Variants in ITPRIP observed in about 807,000 individuals in gnomAD.
The protein encoded by ITPRIP is inositol 1,4,5-trisphosphate receptor interacting protein.
In ITPRIP, 32 loss-of-function variants were observed where a neutral mutation model predicts 35.8. The observed-to-expected ratio is 0.89, with a 90% CI of 0.68 to 1.20. ITPRIP has a LOEUF of 1.20. Among genes scored for constraint, ITPRIP ranks in the 50% most tolerant of loss-of-function variants. The probability of loss-of-function intolerance (pLI) is 0.00; values close to 1 mark genes in which losing one functional copy is unlikely to be tolerated. For missense variants in ITPRIP, 653 were observed against 735.6 expected (o/e 0.89, Z 1.30); for synonymous variants, 358 against 324.0 (o/e 1.11, Z -1.13).
chr10:104,331,051 T>G (rs1393695019), intron 1 of ITPRIP, among the ~76,000 whole-genome samples: 2 of 152,198 alleles, frequency 1.3e-5, no homozygotes, highest in African/African-American at 4.8e-5. Flanking sequence ...CTTATGAGAC[T>G]CCTTCTACCA....
At chr10:104,322,805 G>C (rs1039539765) in intron 1 of ITPRIP, among the ~76,000 whole-genome samples, 3 of 152,206 alleles carry the variant, frequency 2.0e-5, no homozygotes, top group South Asian at 4.1e-4. Context: ...ACTGGCTGAG[G>C]GCAGGGGAGG....
rs886989836 is a variant in ITPRIP at position 104,309,990 on chromosome 10, C to T, written c.*4418G>A. On this transcript the variant is annotated 3_prime_UTR_variant, in exon 2 of 2. Transcript: ENST00000337478. ...TTTGGATGGCAATGAGAAAAGTTAA[C>T]TCTAAAAGATGCCCTTCCCAGGGAC... is the stretch of plus-strand genomic sequence containing the variant. The T allele has an allele frequency of 6.6e-6, 1 of 152,202 alleles. No individual in the cohort carries two copies. Among genetic ancestry groups the T allele is most frequent in the Non-Finnish European group, 1.5e-5 (1 of 68,032 alleles). 9.4% of individuals were successfully genotyped at this position (152,202 alleles called of 1,614,324 possible). A position where few individuals can be genotyped will look rare whatever the true frequency, so the allele number is the denominator to read the frequency against.
At chr10:104,336,560 G>A (rs1342619329) in intron 1 of ITPRIP, among the ~76,000 whole-genome samples, 1 of 151,232 alleles carries the variant, frequency 6.6e-6, no homozygotes, top group Admixed American at 6.6e-5. Flanking sequence ...CTGTCACCCG[G>A]ATGGAGTGCA....
rs755186127 is a variant in ITPRIP at position 104,314,626 on chromosome 10, G to C, written c.1426C>G (p.His476Asp). The part of the protein sequence containing the change: ...EKSLLQKKLH[H>D]FFIGNRKVPE... ...ACCTTGCGGTTGCCGATGAAGAAGTGGTGGAGCTTCTTCTGGAGCAAGCTC... is the reference window on the plus strand; with the variant it reads ...ACCTTGCGGTTGCCGATGAAGAAGTCGTGGAGCTTCTTCTGGAGCAAGCTC... The change falls in exon 2 of 2, where the codon CAC (histidine) becomes GAC (aspartate). Residue 476 changes from histidine to aspartate, a missense_variant. Coordinates refer to ENST00000337478, the MANE Select transcript of ITPRIP (RefSeq NM_001272013.2). 1.2e-6 allele frequency: 2 copies of C among 1,614,138 alleles called. No individual in the cohort carries two copies. Among genetic ancestry groups the C allele is most frequent in the Non-Finnish European group, 1.7e-6 (2 of 1,179,998 alleles).
chr10:104,328,402 TC>T lies in ITPRIP; in HGVS notation c.-14+9843del. ...TCCCAAGAGTCGTCCCCTTTCTCTC[TC>T]TCCACCCCATGATCTACACACCCCC... On this transcript the variant is annotated intron_variant, in intron 1 of 1. Coordinates refer to ENST00000337478, the MANE Select transcript of ITPRIP (RefSeq NM_001272013.2). This position sits in a 1 kb window ranked among gnomAD's most constrained non-coding sequence, Gnocchi z 4.1. The T allele has an allele frequency of 8.7e-6, 4 of 457,512 alleles. No individual in the cohort carries two copies. In the South Asian group the frequency reaches 3.9e-4, roughly 44 times the overall value. The allele number at this position is 457,512 out of a possible 1,614,324, so 28.3% of individuals were successfully genotyped here.
Position 104,314,286 on chromosome 10 carries a change from T to C in ITPRIP, c.*122A>G. 6.6e-7 allele frequency: 1 copy of C among 1,507,392 alleles called. No individual in the cohort carries two copies. The highest frequency in any genetic ancestry group is 8.8e-7 in the Non-Finnish European group (1 of 1,131,448). The allele number at this position is 1,507,392 out of a possible 1,614,324, so 93.4% of individuals were successfully genotyped here. A position where few individuals can be genotyped will look rare whatever the true frequency, so the allele number is the denominator to read the frequency against. On this transcript the variant is annotated 3_prime_UTR_variant, in exon 2 of 2. Transcript: ENST00000337478. ...TGTAGGGCTTGGCTTCCTGGCAGGC[T>C]GAGCACGGCTCCCACGAAAGCCCGC...
intron 1 of ITPRIP, among the ~76,000 whole-genome samples, chr10:104,337,076 G>C (rs1205145446): frequency 5.3e-5 from 8 of 152,182 alleles, no homozygotes; most frequent in Admixed American, 5.2e-4. Context: ...ACTTAGGCAC[G>C]AGGGCTGGAG....
chr10:104,337,092 A>G (rs1589898407), intron 1 of ITPRIP, among the ~76,000 whole-genome samples: 1 of 152,224 alleles, frequency 6.6e-6, no homozygotes, highest in East Asian at 1.9e-4. Context: ...TGGAGGGAGG[A>G]CTCAAAAACA....
intron 1 of ITPRIP, among the ~76,000 whole-genome samples, chr10:104,334,234 TG>T (rs2014200544): frequency 1.3e-5 from 2 of 152,242 alleles, no homozygotes; most frequent in South Asian, 4.1e-4. Flanking sequence ...AGAGGCCAGC[TG>T]AGCAGGGCAG....
Position 104,314,625 on chromosome 10 carries a change from T to G in ITPRIP, c.1427A>C (p.His476Pro). 1 of 1,613,996 alleles carries G rather than the reference T, an allele frequency of 6.2e-7. No individual in the cohort carries two copies. The highest frequency in any genetic ancestry group is 8.5e-7 in the Non-Finnish European group (1 of 1,179,964). ...CACCTTGCGGTTGCCGATGAAGAAGTGGTGGAGCTTCTTCTGGAGCAAGCT... is the reference window on the plus strand; with the variant it reads ...CACCTTGCGGTTGCCGATGAAGAAGGGGTGGAGCTTCTTCTGGAGCAAGCT... Reference protein sequence around the residue: ...EKSLLQKKLHHFFIGNRKVPE... With the variant: ...EKSLLQKKLHPFFIGNRKVPE... Residue 476 changes from histidine to proline, a missense_variant, in exon 2 of 2, where the codon CAC becomes CCC. Physicochemically the swap from His to Pro is moderately conservative, Grantham distance 77. Transcript: ENST00000337478.
chr10:104,315,431 C>G lies in ITPRIP; in HGVS notation c.621G>C (p.Leu207=), dbSNP rs765412321. 8 of 1,599,652 alleles carry G rather than the reference C, an allele frequency of 5.0e-6. No homozygotes were observed. Among genetic ancestry groups the G allele is most frequent in the Admixed American group, 1.7e-5 (1 of 59,288 alleles). ...YENWQVDRPL[L]CHLFVPFTPP... Reference sequence around the variant, plus strand: ...GTGTGAAGGGCACGAAAAGGTGGCACAGCAGTGGCCTGTCCACCTGCCAGT... The same window carrying G: ...GTGTGAAGGGCACGAAAAGGTGGCAGAGCAGTGGCCTGTCCACCTGCCAGT... The change falls in exon 2 of 2, where the codon CTG becomes CTC. Residue 207 remains leucine, a synonymous_variant. Coordinates refer to ENST00000337478, the MANE Select transcript of ITPRIP (RefSeq NM_001272013.2). The surrounding 1 kb of genome is among the most constrained non-coding windows in gnomAD (Gnocchi z 5.7).
Position 104,314,043 on chromosome 10 carries a change from A to C in ITPRIP, c.*365T>G. On this transcript the variant is annotated 3_prime_UTR_variant, in exon 2 of 2. Coordinates refer to ENST00000337478, the MANE Select transcript of ITPRIP (RefSeq NM_001272013.2). ...ATCCTCTGCTCATATTCAAGTACAGACTGGATCTGGGATTCAAAAAGAATT... is the reference window on the plus strand; with the variant it reads ...ATCCTCTGCTCATATTCAAGTACAGCCTGGATCTGGGATTCAAAAAGAATT... The C allele has an allele frequency of 9.6e-7, 1 of 1,037,858 alleles. No homozygotes were observed. Among genetic ancestry groups the C allele is most frequent in the Non-Finnish European group, 1.2e-6 (1 of 861,994 alleles). 64.3% of individuals were successfully genotyped at this position (1,037,858 alleles called of 1,614,324 possible). A position where few individuals can be genotyped will look rare whatever the true frequency, so the allele number is the denominator to read the frequency against.
Position 104,328,170 on chromosome 10 carries a change from T to C in ITPRIP, c.-14+10076A>G, listed in dbSNP as rs2135205790. The C allele has an allele frequency of 1.0e-6, 1 of 961,160 alleles. No homozygotes were observed. Among genetic ancestry groups the C allele is most frequent in the Non-Finnish European group, 1.2e-6 (1 of 807,818 alleles). 59.5% of individuals were successfully genotyped at this position (961,160 alleles called of 1,614,324 possible). ...GCCAGCCTGCAGGGGAAGGTCTCCC[T>C]CAGCCTCCAGGATTCCCATCTCCGG... On this transcript the variant is annotated intron_variant, in intron 1 of 1. Transcript: ENST00000337478. The surrounding 1 kb of genome is among the most constrained non-coding windows in gnomAD (Gnocchi z 4.1).
intron 1 of ITPRIP, among the ~76,000 whole-genome samples, chr10:104,329,391 T>C (rs2014103336): frequency 6.6e-6 from 1 of 152,100 alleles, no homozygotes; most frequent in Non-Finnish European, 1.5e-5. Context: ...AGTCACACTC[T>C]CTACGGATTG....
In ITPRIP at chr10:104,314,852, G is replaced by A. The variant is rs751680766; in HGVS notation, c.1200C>T (p.Pro400=). ...HFLRTTLKAL[P]EGACHLSCLQ... The stretch of plus-strand genomic sequence containing the variant: ...GGCAGCTGAGGTGGCAGGCGCCCTC[G>A]GGCAGTGCCTTTAGTGTCGTCCTGA... Residue 400 remains proline (P), a synonymous_variant, in exon 2 of 2, where the codon CCC becomes CCT. Coordinates refer to ENST00000337478, the MANE Select transcript of ITPRIP (RefSeq NM_001272013.2). 1.2e-5 allele frequency: 19 copies of A among 1,613,628 alleles called. No homozygotes were observed. The highest frequency in any genetic ancestry group is 2.2e-5 in the South Asian group (2 of 91,086).
Position 104,315,605 on chromosome 10 carries a change from G to A in ITPRIP, c.447C>T (p.Cys149=). ...CTGCATCGGCCGTGGCCCCCCGGAT[G>A]CAGCGCTCATAAAAGTGGCCAAGCG... ...KATLGHFYER[C]IRGATADAAR... Residue 149 remains cysteine, a synonymous_variant, in exon 2 of 2, where the codon TGC becomes TGT. Transcript: ENST00000337478. The surrounding 1 kb of genome is among the most constrained non-coding windows in gnomAD (Gnocchi z 5.7). 6.2e-7 allele frequency: 1 copy of A among 1,613,374 alleles called. No homozygotes were observed. The highest frequency in any genetic ancestry group is 8.5e-7 in the Non-Finnish European group (1 of 1,179,984).
intron 1 of ITPRIP, among the ~76,000 whole-genome samples, chr10:104,330,233 C>T (rs890584256): frequency 4.6e-5 from 7 of 152,210 alleles, no homozygotes; most frequent in African/African-American, 1.7e-4. Context: ...TGCCTTTACT[C>T]CCAGGAGCAG....
intron 1 of ITPRIP, among the ~76,000 whole-genome samples, chr10:104,322,472 G>C (rs1213570012): frequency 6.6e-6 from 1 of 152,232 alleles, no homozygotes; most frequent in Non-Finnish European, 1.5e-5. Flanking sequence ...AATTTTCACA[G>C]GCAACCTGAA....
chr10:104,333,167 C>T lies in ITPRIP; in HGVS notation c.-14+5079G>A, dbSNP rs1370155835. The stretch of plus-strand genomic sequence containing the variant: ...CTGCAGGAGGACCCCTAAGGAGTCC[C>T]GTTCAGAGAACTGAAGGAGACTGCA... On this transcript the variant is annotated intron_variant, in intron 1 of 1. Coordinates refer to ENST00000337478, the MANE Select transcript of ITPRIP (RefSeq NM_001272013.2). This position sits in a 1 kb window ranked among gnomAD's most constrained non-coding sequence, Gnocchi z 4.1. Among the ~76,000 whole-genome samples the T allele has an allele frequency of 2.0e-5, 3 of 152,134 alleles. No homozygotes were observed. Among genetic ancestry groups the T allele is most frequent in the East Asian group, 3.9e-4 (2 of 5,190 alleles).
Sources: allele counts gnomAD v4.1 joint callset (sites outside exome capture counted in the v4.1 genomes callset), GRCh38; gene constraint gnomAD v4.1.1; non-coding constraint Gnocchi (gnomAD v3.1); transcripts MANE v1.5; gene names NCBI Gene and HGNC (gene_info 2026-07-23, HGNC 2026-07-21).